Variants in ACOT12 observed in about 807,000 individuals in gnomAD.
The protein encoded by ACOT12 is acyl-CoA thioesterase 12, also known as acetyl-coenzyme A thioesterase.
A neutral mutation model predicts 67.7 loss-of-function variants in ACOT12; 51 were observed. The ratio of observed to expected loss-of-function variants is 0.75; its 90% CI spans 0.60 to 0.95. ACOT12 has a LOEUF of 0.95. ACOT12 is among the 40% of genes least tolerant of loss of function. The pLI is 0.00. For missense variants in ACOT12, 734 were observed against 708.1 expected, an observed-to-expected ratio of 1.04 and a Z score of -0.41; for synonymous variants, 251 against 244.6, an observed-to-expected ratio of 1.03 and a Z score of -0.24.
At position 81,372,426 on chromosome 5, in the gene ACOT12, C is replaced by T. The variant is rs9885325; in HGVS notation, c.198-616G>A. On this transcript the variant is annotated intron_variant, in intron 2 of 14. Transcript: ENST00000307624. The stretch of plus-strand genomic sequence containing the variant: ...AATAGAAGCCCCCTGGATTTTTCTT[C>T]CTTAACTTCAATGTTAAACTGCATT... Among the ~76,000 whole-genome samples the T allele has an allele frequency of 4.9e-3, 749 of 152,314 alleles. 10 individuals are homozygous for T. The highest frequency in any genetic ancestry group is 0.017 in the African/African-American group (706 of 41,574).
At chr5:81,354,781 G>A (rs574919139) in intron 5 of ACOT12, among the ~76,000 whole-genome samples, 163 of 151,566 alleles carry the variant, frequency 1.1e-3, no homozygotes, top group African/African-American at 3.8e-3. Context: ...TTGGTTCACT[G>A]TAAACTCCGC....
chr5:81,361,925 A>G (rs1281833525), intron 4 of ACOT12, among the ~76,000 whole-genome samples: 1 of 152,232 alleles, frequency 6.6e-6, no homozygotes, highest in East Asian at 1.9e-4. Flanking sequence ...GTGAACAGAA[A>G]TTCAAGTAGT....
intron 2 of ACOT12, among the ~76,000 whole-genome samples, chr5:81,377,633 T>G (rs1351533453): frequency 6.6e-6 from 1 of 152,224 alleles, no homozygotes; most frequent in African/African-American, 2.4e-5. Context: ...ATAAGCAACT[T>G]CAGCAAAGTC....
At chr5:81,357,278 G>A (rs1759746181) in intron 5 of ACOT12, among the ~76,000 whole-genome samples, 1 of 152,072 alleles carries the variant, frequency 6.6e-6, no homozygotes, top group Non-Finnish European at 1.5e-5. Flanking sequence ...CTATTAATAT[G>A]TCTGTCTCCA....
chr5:81,330,591 G>A (rs1758785518), intron 14 of ACOT12, 48 bp from the exon 15 acceptor site: 1 of 1,594,010 alleles, frequency 6.3e-7, no homozygotes. Flanking sequence ...TTGACTTGGA[G>A]CTTTTTCAAG....
intron 5 of ACOT12, among the ~76,000 whole-genome samples, chr5:81,353,105 GA>G (rs1759603944): frequency 6.6e-6 from 1 of 152,110 alleles, no homozygotes; most frequent in Admixed American, 6.5e-5. Context: ...TTTTCTGAGG[GA>G]TAACTTTAAA....
rs565013890 is a variant in ACOT12 at position 81,390,582 on chromosome 5, C to A, written c.127+3406G>T. Reference sequence around the variant, plus strand: ...GCAGTGGTACAATCTCGGCTCACTGCAATCTCCACCTCCCAGATTCAAGTG... The same window carrying A: ...GCAGTGGTACAATCTCGGCTCACTGAAATCTCCACCTCCCAGATTCAAGTG... On this transcript the variant is annotated intron_variant, in intron 1 of 14. Transcript: ENST00000307624. 2.6e-5 allele frequency among the ~76,000 whole-genome samples: 4 copies of A among 151,306 alleles called. No homozygotes were observed. In the South Asian group the frequency reaches 8.6e-4, roughly 33 times the overall value.
At chr5:81,328,440 TTC>T (rs1580520492), downstream of ACOT12, among the ~76,000 whole-genome samples, 1 of 152,330 alleles carries the variant, frequency 6.6e-6, no homozygotes, top group East Asian at 1.9e-4. Flanking sequence ...AGTGAGTATA[TTC>T]CTAAGAAAAA....
chr5:81,313,921 TGGAAAA>T, the ACOT12 span, among the ~76,000 whole-genome samples: 1 of 152,140 alleles, frequency 6.6e-6, no homozygotes, highest in Non-Finnish European at 1.5e-5. Context: ...GCCAGGCAGT[TGGAAAA>T]GGACAGTAAT....
intron 11 of ACOT12, among the ~76,000 whole-genome samples, chr5:81,338,305 C>A (rs1759072036): frequency 6.6e-6 from 1 of 152,086 alleles, no homozygotes; most frequent in Non-Finnish European, 1.5e-5. Flanking sequence ...AATTGTAATC[C>A]CCAGTGCTGG....
rs114395181 is a variant in ACOT12, at chr5:81,383,014, T to C, written c.197+2743A>G. 2.5e-3 allele frequency among the ~76,000 whole-genome samples: 384 copies of C among 152,308 alleles called. 1 individual carries two copies. The highest frequency in any genetic ancestry group is 9.0e-3 in the African/African-American group (376 of 41,558). ...AAATGATAGAATTAGCATATTACCA[T>C]GTTTCCAATATCTAATGACAGAATG... On this transcript the variant is annotated intron_variant, in intron 2 of 14. Coordinates refer to ENST00000307624, the MANE Select transcript of ACOT12 (RefSeq NM_130767.3).
chr5:81,388,683 G>A (rs1760791521), intron 1 of ACOT12, among the ~76,000 whole-genome samples: 1 of 152,184 alleles, frequency 6.6e-6, no homozygotes, highest in Non-Finnish European at 1.5e-5. Context: ...TCTAGTGGAT[G>A]AGCTAGAGGT....
In ACOT12 at chr5:81,371,740, T is replaced by A. The variant is rs749036333; in HGVS notation, c.258+10A>T. On this transcript the variant is annotated intron_variant, in intron 3 of 14. Coordinates refer to ENST00000307624, the MANE Select transcript of ACOT12 (RefSeq NM_130767.3). ...ACCAACAGGCAGATGTTTGAAAAGG[T>A]GCCTCTTACCTCCATGCTTGTGCTG... 6.2e-7 allele frequency: 1 copy of A among 1,613,656 alleles called. No homozygotes were observed. The highest frequency in any genetic ancestry group is 8.5e-7 in the Non-Finnish European group (1 of 1,179,558).
At position 81,330,445 on chromosome 5, in the gene ACOT12, A is replaced by G; in HGVS notation, c.1617T>C (p.Cys539=). Residue 539 remains cysteine, a synonymous_variant, in exon 15 of 15, where the codon TGT becomes TGC. Coordinates refer to ENST00000307624, the MANE Select transcript of ACOT12 (RefSeq NM_130767.3). ...SKSIEETAAS[C]IQFLENPPDD... ...CAGGAGGATTCTCTAAGAACTGTAT[A>G]CAAGAGGCTGCTGTTTCTTCAATGG... 2 of 1,614,170 alleles carry G rather than the reference A, an allele frequency of 1.2e-6. No homozygotes were observed. Among genetic ancestry groups the G allele is most frequent in the Middle Eastern group, 1.6e-4 (1 of 6,062 alleles).
chr5:81,379,418 G>C (rs1038260298), intron 2 of ACOT12, among the ~76,000 whole-genome samples: 2 of 151,918 alleles, frequency 1.3e-5, no homozygotes, highest in South Asian at 4.1e-4. Context: ...ACCATGGCAC[G>C]TGTATACCTA....
chr5:81,322,532 G>A, the ACOT12 span, among the ~76,000 whole-genome samples: 4 of 151,816 alleles, frequency 2.6e-5, no homozygotes, highest in African/African-American at 9.7e-5. Context: ...AAGTTGGCGT[G>A]GGTGGGGGTT....
In ACOT12 at chr5:81,371,035, T is replaced by C. The variant is rs1053060038; in HGVS notation, c.258+715A>G. On this transcript the variant is annotated intron_variant, in intron 3 of 14. Coordinates refer to ENST00000307624, the MANE Select transcript of ACOT12 (RefSeq NM_130767.3). Reference sequence around the variant, plus strand: ...TACTAAAGTCCAGTTATCCTGCTTTTAAAAAACTAGTTAATCATGGGACTA... The same window carrying C: ...TACTAAAGTCCAGTTATCCTGCTTTCAAAAAACTAGTTAATCATGGGACTA... 7.9e-5 allele frequency among the ~76,000 whole-genome samples: 12 copies of C among 152,304 alleles called. No individual in the cohort carries two copies. The East Asian group carries it at 1.9e-3, about 25-fold the overall frequency.
At chr5:81,353,662 T>G (rs1759621582) in intron 5 of ACOT12, among the ~76,000 whole-genome samples, 2 of 152,246 alleles carry the variant, frequency 1.3e-5, no homozygotes, top group Admixed American at 1.3e-4. Context: ...GATCCAGTAG[T>G]ATTTCTGAGA....
rs548571662 is a variant in ACOT12 at position 81,387,842 on chromosome 5, G to A, written c.128-2016C>T. On this transcript the variant is annotated intron_variant, in intron 1 of 14. Transcript: ENST00000307624. ...TTACAGGTGTGAGCCACCATGCCCG[G>A]CTGAGTTATCAATTTTGAATGACTT... is the stretch of plus-strand genomic sequence containing the variant. Among the ~76,000 whole-genome samples, 22 of 152,256 alleles carry A rather than the reference G, an allele frequency of 1.4e-4. No homozygotes were observed. In the South Asian group the frequency reaches 2.1e-3, roughly 14 times the overall value.
Sources: gnomAD v4.1 joint callset for allele counts (sites outside exome capture counted in the v4.1 genomes callset) on GRCh38, gnomAD v4.1.1 for gene constraint, MANE v1.5 for transcripts, NCBI Gene and HGNC (gene_info 2026-07-23, HGNC 2026-07-21) for gene names.